The following CDC45 variants were observed in gnomAD, a reference collection of about 807,000 sequenced individuals.
CDC45 encodes cell division control protein 45 homolog.
A neutral mutation model predicts 77.8 loss-of-function variants in CDC45; 54 were observed. The ratio of observed to expected loss-of-function variants is 0.69; its 90% confidence interval spans 0.56 to 0.87. The LOEUF is 0.87. Ranked by LOEUF, CDC45 falls within the 40% of genes least tolerant of loss-of-function variation. The pLI is 0.00. For synonymous variants in CDC45, 260 were observed against 272.1 expected, an observed-to-expected ratio of 0.96 and a Z score of 0.44; for missense variants, 649 against 721.6, an observed-to-expected ratio of 0.90 and a Z score of 1.15.
At chr22:19,485,356 T>C (rs150828638) in intron 5 of CDC45, among the ~76,000 whole-genome samples, 22 of 152,326 alleles carry the variant, frequency 1.4e-4, no homozygotes, top group South Asian at 6.2e-4. Context: ...AAGCTTTCCA[T>C]TGGGGGAGAC....
At chr22:19,497,678 T>C (rs546477621) in intron 8 of CDC45, among the ~76,000 whole-genome samples, 9 of 152,248 alleles carry the variant, frequency 5.9e-5, no homozygotes, top group Admixed American at 5.9e-4. Context: ...AGGAAGAGAA[T>C]ACAGTACAGC....
At chr22:19,481,466 T>C (rs544713636) in intron 3 of CDC45, among the ~76,000 whole-genome samples, 2 of 152,070 alleles carry the variant, frequency 1.3e-5, no homozygotes, top group Non-Finnish European at 2.9e-5. Flanking sequence ...GCAAGCTGTG[T>C]CTCCTGGGTT....
intron 7 of CDC45, among the ~76,000 whole-genome samples, chr22:19,497,115 C>A (rs1421493264): frequency 6.6e-6 from 1 of 152,200 alleles, no homozygotes; most frequent in Non-Finnish European, 1.5e-5. Flanking sequence ...GCTGCCCCTA[C>A]CAAGTGAATT....
intron 9 of CDC45, among the ~76,000 whole-genome samples, chr22:19,504,242 G>A (rs13447239): frequency 6.6e-6 from 1 of 152,236 alleles, no homozygotes; most frequent in Non-Finnish European, 1.5e-5. Flanking sequence ...GAGAAGATGG[G>A]AGGAGATCCT....
intron 6 of CDC45, among the ~76,000 whole-genome samples, chr22:19,494,824 G>T (rs1036560512): frequency 3.3e-5 from 5 of 152,204 alleles, no homozygotes; most frequent in African/African-American, 1.2e-4. Context: ...AGGCCATCCA[G>T]CTGATGTTCC....
rs1324060898 is a variant in CDC45 at position 19,482,806 on chromosome 22, C to T, written c.321C>T (p.Val107=). The T allele has an allele frequency of 6.2e-7, 1 of 1,614,084 alleles. No homozygotes were observed. Among genetic ancestry groups the T allele is most frequent in the Non-Finnish European group, 8.5e-7 (1 of 1,179,934 alleles). The change falls in exon 4 of 19, where the codon GTC becomes GTT. Residue 107 remains valine, a synonymous_variant. Coordinates refer to ENST00000263201, the MANE Select transcript of CDC45 (RefSeq NM_003504.5). ...VCDTHRPVNV[V]NVYNDTQIKL... ...ACACCCATAGGCCAGTCAATGTCGT[C>T]AATGTATACAACGATACCCAGGTAC... is the stretch of plus-strand genomic sequence containing the variant.
chr22:19,510,568 G>A (rs1048586649), intron 13 of CDC45, among the ~76,000 whole-genome samples: 1 of 152,104 alleles, frequency 6.6e-6, no homozygotes, highest in East Asian at 1.9e-4. Context: ...TCTCACTCTC[G>A]CTCAGGCTGT....
chr22:19,482,930 A>T, intron 4 of CDC45, 103 bp downstream of exon 4: 1 of 1,009,846 alleles, frequency 9.9e-7, no homozygotes, highest in Non-Finnish European at 1.5e-6. Flanking sequence ...ACCCTGTGGG[A>T]CTGGGAACAG....
At chr22:19,509,041 A>T (rs999579668) in intron 13 of CDC45, among the ~76,000 whole-genome samples, 1 of 151,790 alleles carries the variant, frequency 6.6e-6, no homozygotes. Context: ...TTAATTTTCC[A>T]ATTCTTTCTT....
In CDC45 at chr22:19,505,408, C is replaced by T. The variant is rs748698352; in HGVS notation, c.751C>T (p.Arg251Cys). 20 of 1,613,998 alleles carry T rather than the reference C, an allele frequency of 1.2e-5. No individual in the cohort carries two copies. Among genetic ancestry groups the T allele is most frequent in the East Asian group, 2.2e-5 (1 of 44,890 alleles). The change falls in exon 10 of 19, where the codon CGC becomes TGC. Residue 251 changes from arginine to cysteine, a missense_variant. Arg to Cys is a radical substitution (Grantham distance 180). Coordinates refer to ENST00000263201, the MANE Select transcript of CDC45 (RefSeq NM_003504.5). ...DVGVLQRHVS[R>C]HNHRNEDEEN... Reference sequence around the variant, plus strand: ...TGGTGTCCTGCAGCGCCACGTTTCCCGCCACAACCACCGGAACGAGGATGA... The same window carrying T: ...TGGTGTCCTGCAGCGCCACGTTTCCTGCCACAACCACCGGAACGAGGATGA...
intron 18 of CDC45, among the ~76,000 whole-genome samples, chr22:19,519,310 G>A (rs566408317): frequency 1.1e-4 from 17 of 152,286 alleles, no homozygotes; most frequent in Middle Eastern, 3.4e-3. Flanking sequence ...GCAGCCATCC[G>A]GGCTTTTGTG....
intron 9 of CDC45, among the ~76,000 whole-genome samples, chr22:19,502,899 GAA>G (rs1932954795): frequency 6.6e-6 from 1 of 152,092 alleles, no homozygotes; most frequent in South Asian, 2.1e-4. Flanking sequence ...AAAGCAGACA[GAA>G]AAGAGACAGG....
At chr22:19,512,845 G>A (rs200575215) in intron 13 of CDC45, among the ~76,000 whole-genome samples, 6 of 152,172 alleles carry the variant, frequency 3.9e-5, no homozygotes, top group Admixed American at 2.0e-4. Flanking sequence ...AAGAGAAAAG[G>A]TTTATTTGCC....
intron 12 of CDC45, among the ~76,000 whole-genome samples, chr22:19,508,282 G>A (rs146266434): frequency 1.3e-5 from 2 of 152,178 alleles, no homozygotes; most frequent in Non-Finnish European, 2.9e-5. Context: ...GCATGCTAAG[G>A]TGTGAGAGAG....
chr22:19,482,637 G>A (rs1174310776), intron 3 of CDC45, 53 bp from the exon 4 acceptor site: 9 of 1,581,024 alleles, frequency 5.7e-6, no homozygotes, highest in Admixed American at 1.7e-5. Context: ...TAGTGATGAA[G>A]GAAAAGGGGC....
intron 5 of CDC45, among the ~76,000 whole-genome samples, chr22:19,488,929 A>G (rs1297193170): frequency 6.6e-6 from 1 of 152,200 alleles, no homozygotes; most frequent in Non-Finnish European, 1.5e-5. Flanking sequence ...TATCACGGTC[A>G]GGATGGGAGG....
intron 3 of CDC45, 36 bp downstream of exon 3, chr22:19,481,081 T>TA: frequency 7.6e-7 from 1 of 1,314,628 alleles, no homozygotes; most frequent in Non-Finnish European, 1.1e-6. Context: ...CGTGGCTTTT[T>TA]ACTCAATTGT....
chr22:19,481,937 G>T (rs1366378491), intron 3 of CDC45, among the ~76,000 whole-genome samples: 1 of 152,160 alleles, frequency 6.6e-6, no homozygotes, highest in Non-Finnish European at 1.5e-5. Context: ...CTCCCAAAGT[G>T]CTGGAATTAG....
At chr22:19,491,433 ATT>A (rs77377103) in intron 5 of CDC45, among the ~76,000 whole-genome samples, 2 of 143,136 alleles carry the variant, frequency 1.4e-5, no homozygotes, top group South Asian at 2.2e-4. Context: ...GAATTTCTTG[ATT>A]TTTTTTTTTT....
Sources: allele counts gnomAD v4.1 joint callset (sites outside exome capture counted in the v4.1 genomes callset), GRCh38; gene constraint gnomAD v4.1.1; transcripts MANE v1.5; gene names NCBI Gene and HGNC (gene_info 2026-07-23, HGNC 2026-07-21).